The following FANCM variants were observed in gnomAD, a reference collection of about 807,000 sequenced individuals.
FANCM encodes FA complementation group M.
A neutral mutation model predicts 199.5 loss-of-function variants in FANCM; 140 were observed. The ratio of observed to expected loss-of-function variants is 0.70; its 90% CI spans 0.61 to 0.81. The LOEUF is 0.81. Among genes scored for constraint, FANCM ranks in the 30% least tolerant of loss-of-function variants. The probability of loss-of-function intolerance (pLI) is 0.00; values close to 1 mark genes in which losing one functional copy is unlikely to be tolerated. For missense variants in FANCM, 2,410 were observed against 2,421.4 expected (o/e 1.00, Z 0.10); for synonymous variants, 840 against 836.8 (o/e 1.00, Z -0.07).
intron 18 of FANCM, among the ~76,000 whole-genome samples, chr14:45,186,808 G>A (rs1259012975): frequency 6.6e-6 from 1 of 152,196 alleles, no homozygotes; most frequent in East Asian, 1.9e-4. Flanking sequence ...GAAAAGGGAA[G>A]GTAGTAGGAA....
chr14:45,188,768 A>G, intron 19 of FANCM, 34 bp from the exon 20 acceptor site: 2 of 1,473,198 alleles, frequency 1.4e-6, no homozygotes, highest in East Asian at 2.3e-5. Flanking sequence ...ATTGTCTGAA[A>G]TAAATATAAA....
At chr14:45,178,845 A>C (rs1001469401) in intron 14 of FANCM, among the ~76,000 whole-genome samples, 1 of 152,174 alleles carries the variant, frequency 6.6e-6, no homozygotes, top group Non-Finnish European at 1.5e-5. Context: ...ATAATCAGTA[A>C]AATAAAATAA....
intron 21 of FANCM, among the ~76,000 whole-genome samples, chr14:45,197,763 C>A (rs1241847196): frequency 7.5e-6 from 1 of 132,874 alleles, no homozygotes; most frequent in Non-Finnish European, 1.6e-5. Flanking sequence ...CCATGCCCAG[C>A]CTTCTTTTTT....
intron 2 of FANCM, chr14:45,137,510 C>T (rs1193598508): frequency 1.1e-5 from 5 of 435,582 alleles, no homozygotes; most frequent in South Asian, 1.1e-4. Flanking sequence ...AGATGTAGAT[C>T]ATGAGAGCCT....
intron 12 of FANCM, among the ~76,000 whole-genome samples, chr14:45,171,575 T>C (rs1460788198): frequency 6.6e-6 from 1 of 152,058 alleles, no homozygotes; most frequent in Non-Finnish European, 1.5e-5. Flanking sequence ...GAACATACGA[T>C]GTTTGGTTTT....
Position 45,176,022 on chromosome 14 carries a change from C to G in FANCM, c.3268C>G (p.Gln1090Glu), listed in dbSNP as rs752061240. Residue 1090 changes from glutamine to glutamate, a missense_variant, in exon 14 of 23, where the codon CAA becomes GAA. Physicochemically the swap from Gln to Glu is conservative, Grantham distance 29. Coordinates refer to ENST00000267430, the MANE Select transcript of FANCM (RefSeq NM_020937.4). ...LCDCDVHKHN[Q>E]NENLVPNNRV... is the part of the protein sequence containing the mutation. ...TGACTGTGATGTACATAAACATAAT[C>G]AAAATGAAAATTTAGTACCTAACAA... The G allele has an allele frequency of 6.2e-7, 1 of 1,613,646 alleles. No homozygotes were observed. The highest frequency in any genetic ancestry group is 8.5e-7 in the Non-Finnish European group (1 of 1,179,696).
Position 45,176,887 on chromosome 14 carries a change from A to G in FANCM, c.4133A>G (p.Asn1378Ser). Residue 1378 changes from asparagine to serine, a missense_variant, in exon 14 of 23, where the codon AAT becomes AGT. By Grantham distance (46) the Asn-to-Ser change is conservative. Coordinates refer to ENST00000267430, the MANE Select transcript of FANCM (RefSeq NM_020937.4). ...CTACAAAGATTCAAAGAAGCATTGA[A>G]TTCAACTTTTGATTATTCAGAATTT... ...VNLQRFKEALNSTFDYSEFSL... is the reference protein window; with the variant it reads ...VNLQRFKEALSSTFDYSEFSL... 6.2e-7 allele frequency: 1 copy of G among 1,611,548 alleles called. No homozygotes were observed. The highest frequency in any genetic ancestry group is 8.5e-7 in the Non-Finnish European group (1 of 1,178,056).
In FANCM at chr14:45,189,040, C is replaced by G; in HGVS notation, c.5018C>G (p.Ser1673Ter). The G allele has an allele frequency of 1.9e-6, 3 of 1,613,938 alleles. No homozygotes were observed. Among genetic ancestry groups the G allele is most frequent in the African/African-American group, 1.3e-5 (1 of 75,016 alleles). ...KLSRIILPDD[S>*]SEEENNVNDK... ...TCCAGAATTATTTTACCAGATGATTCAAGTGAGGAGGAGAACAATGTAAAT... is the reference window on the plus strand; with the variant it reads ...TCCAGAATTATTTTACCAGATGATTGAAGTGAGGAGGAGAACAATGTAAAT... The change falls in exon 20 of 23, where the codon TCA becomes TGA. Residue 1673 changes from serine to a stop codon, truncating the protein, a stop_gained. Transcript: ENST00000267430. LOFTEE classifies it high-confidence loss of function.
intron 9 of FANCM, 130 bp from the exon 10 acceptor site, chr14:45,164,229 G>T (rs1271145026): frequency 5.2e-6 from 4 of 761,974 alleles, no homozygotes; most frequent in Non-Finnish European, 9.0e-6. Context: ...ACAGGCATGA[G>T]CTGTGGCCAG....
intron 13 of FANCM, among the ~76,000 whole-genome samples, chr14:45,173,463 T>C (rs1888473288): frequency 6.7e-6 from 1 of 149,780 alleles, no homozygotes; most frequent in African/African-American, 2.6e-5. Context: ...GTAAACTGTT[T>C]GTAAACCTTA....
chr14:45,184,033 A>T, intron 17 of FANCM, 131 bp downstream of exon 17: 1 of 634,986 alleles, frequency 1.6e-6, no homozygotes, highest in Non-Finnish European at 2.6e-6. Flanking sequence ...ACCCATTTAG[A>T]TTTTTTTTAC....
Position 45,176,862 on chromosome 14 carries a change from C to T in FANCM, c.4108C>T (p.Leu1370=). 6.2e-7 allele frequency: 1 copy of T among 1,607,538 alleles called. No homozygotes were observed. Among genetic ancestry groups the T allele is most frequent in the East Asian group, 2.2e-5 (1 of 44,700 alleles). The part of the protein sequence containing the change: ...TPDSSKEKVN[L]QRFKEALNST... ...AGATTCTAGTAAGGAAAAAGTAAACCTACAAAGATTCAAAGAAGCATTGAA... is the reference window on the plus strand; with the variant it reads ...AGATTCTAGTAAGGAAAAAGTAAACTTACAAAGATTCAAAGAAGCATTGAA... The change falls in exon 14 of 23, where the codon CTA becomes TTA. Residue 1370 remains leucine (L), a synonymous_variant. Coordinates refer to ENST00000267430, the MANE Select transcript of FANCM (RefSeq NM_020937.4).
chr14:45,152,335 C>T (rs1363908392), intron 5 of FANCM, among the ~76,000 whole-genome samples: 2 of 152,094 alleles, frequency 1.3e-5, no homozygotes, highest in Admixed American at 6.6e-5. Context: ...AGTGCCCAAC[C>T]TTTCTTTTTA....
rs1566716433 is a variant in FANCM at position 45,136,294 on chromosome 14, A to G, written c.263A>G (p.Asn88Ser). 6.2e-6 allele frequency: 10 copies of G among 1,613,910 alleles called. No individual in the cohort carries two copies. Among genetic ancestry groups the G allele is most frequent in the Middle Eastern group, 1.6e-4 (1 of 6,062 alleles). Residue 88 changes from asparagine to serine, a missense_variant, in exon 1 of 23, where the codon AAT (asparagine) becomes AGT (serine). Coordinates refer to ENST00000267430, the MANE Select transcript of FANCM (RefSeq NM_020937.4). ...SAGALWIYPT[N>S]CPVRDYQLHI... ...GGCGCCCTGTGGATTTACCCTACCA[A>G]TTGCCCAGTGCGGGACTACCAGCTG...
At chr14:45,164,976 G>A (rs1336082833) in intron 10 of FANCM, among the ~76,000 whole-genome samples, 2 of 152,046 alleles carry the variant, frequency 1.3e-5, no homozygotes, top group East Asian at 1.9e-4. Context: ...AAGAAACAAA[G>A]AACATGTATC....
Position 45,189,228 on chromosome 14 carries a change from C to T in FANCM, c.5206C>T (p.Leu1736=). 6.2e-7 allele frequency: 1 copy of T among 1,614,120 alleles called. No individual in the cohort carries two copies. Among genetic ancestry groups the T allele is most frequent in the Non-Finnish European group, 8.5e-7 (1 of 1,180,004 alleles). ...PLAKQSKQTS[L]NLKDTISEVS... ...AGCAAAGCAGAGCAAACAGACATCG[C>T]TGAATTTAAAGGATACAATTTCCGA... The change falls in exon 20 of 23, where the codon CTG becomes TTG. Residue 1736 remains leucine, a synonymous_variant. Transcript: ENST00000267430.
chr14:45,192,295 A>G (rs1287261170), intron 20 of FANCM, among the ~76,000 whole-genome samples: 1 of 152,232 alleles, frequency 6.6e-6, no homozygotes, highest in Non-Finnish European at 1.5e-5. Flanking sequence ...GGCCCCTCCA[A>G]TGAAAAGCTT....
intron 19 of FANCM, among the ~76,000 whole-genome samples, chr14:45,188,371 GGTTGATCAAAATTCATTT>G (rs1247821021): frequency 6.6e-6 from 1 of 151,976 alleles, no homozygotes; most frequent in Non-Finnish European, 1.5e-5. Context: ...TTTTGTCCTT[GGTTGATCAAAATTCATTT>G]TTTTTCATAA....
chr14:45,189,988 C>T (rs1415850374), intron 20 of FANCM, among the ~76,000 whole-genome samples: 6 of 150,338 alleles, frequency 4.0e-5, no homozygotes, highest in Non-Finnish European at 7.4e-5. Context: ...AAAAAAAGAA[C>T]TAGAACTAGT....
Sources: allele counts gnomAD v4.1 joint callset (sites outside exome capture counted in the v4.1 genomes callset), GRCh38; gene constraint gnomAD v4.1.1; transcripts MANE v1.5; gene names NCBI Gene and HGNC (gene_info 2026-07-23, HGNC 2026-07-21).